Variants in CAPN8 observed in about 807,000 individuals in gnomAD.
CAPN8 encodes calpain-8.
A neutral mutation model predicts 80.9 loss-of-function variants in CAPN8; 87 were observed. The ratio of observed to expected loss-of-function variants is 1.07; its 90% CI spans 0.90 to 1.28. The LOEUF is 1.28. Ranked by LOEUF, CAPN8 falls within the 50% of genes most tolerant of loss-of-function variation. CAPN8 has a pLI of 0.00. For missense variants in CAPN8, 757 were observed against 702.0 expected (o/e 1.08, Z -0.89); for synonymous variants, 299 against 273.8 (o/e 1.09, Z -0.91).
intron 2 of CAPN8, among the ~76,000 whole-genome samples, chr1:223,646,713 A>C (rs1571733312): frequency 1.3e-5 from 2 of 152,206 alleles, no homozygotes; most frequent in South Asian, 4.1e-4. Context: ...AGAGAGCTGA[A>C]GAAGCCCAAG....
intron 1 of CAPN8, among the ~76,000 whole-genome samples, chr1:223,658,800 T>A (rs1348279313): frequency 6.6e-6 from 1 of 152,094 alleles, no homozygotes; most frequent in African/African-American, 2.4e-5. Flanking sequence ...AGTGAAATTC[T>A]GTCTCAAAAA....
chr1:223,620,024 G>A (rs1413429601), intron 8 of CAPN8, among the ~76,000 whole-genome samples, 168 bp downstream of exon 8: 4 of 152,168 alleles, frequency 2.6e-5, no homozygotes, highest in African/African-American at 9.7e-5. Context: ...TGCTTTAGAC[G>A]TGCTGGTATA....
At chr1:223,653,798 A>G (rs1345494438) in intron 2 of CAPN8, among the ~76,000 whole-genome samples, 2 of 152,236 alleles carry the variant, frequency 1.3e-5, no homozygotes, top group African/African-American at 4.8e-5. Flanking sequence ...ATTATTTCTT[A>G]AAAACTCAAC....
intron 2 of CAPN8, among the ~76,000 whole-genome samples, chr1:223,643,342 A>G (rs557800173): frequency 4.6e-5 from 7 of 152,206 alleles, no homozygotes; most frequent in Non-Finnish European, 7.3e-5. Context: ...ATATACATAG[A>G]TCTTTAAAGT....
chr1:223,626,039 C>T (rs917344368), intron 5 of CAPN8, among the ~76,000 whole-genome samples, 151 bp from the exon 6 acceptor site: 1 of 152,156 alleles, frequency 6.6e-6, no homozygotes, highest in African/African-American at 2.4e-5. Context: ...GGTAAAGAGT[C>T]ATCTCCATCC....
chr1:223,635,398 A>G (rs1237116299), intron 2 of CAPN8, among the ~76,000 whole-genome samples: 1 of 152,154 alleles, frequency 6.6e-6, no homozygotes, highest in Non-Finnish European at 1.5e-5. Flanking sequence ...GAGCAGGGCT[A>G]ATTCATAGTC....
chr1:223,625,860 A>G lies in CAPN8; in HGVS notation c.758T>C (p.Ile253Thr), dbSNP rs1572240736. ...ACTCTTAACCAGCTTCTGGCTGGTG[A>G]TGGCTTCGGCTTCGGCTGCACTGGA... ...DVSSAAEAEAITSQKLVKSHA... is the reference protein window; with the variant it reads ...DVSSAAEAEATTSQKLVKSHA... The change falls in exon 6 of 21, where the codon ATC becomes ACC. Residue 253 changes from isoleucine to threonine, a missense_variant. Coordinates refer to ENST00000366872, the MANE Select transcript of CAPN8 (RefSeq NM_001143962.2). The G allele has an allele frequency of 1.3e-6, 2 of 1,551,572 alleles. No individual in the cohort carries two copies. Among genetic ancestry groups the G allele is most frequent in the Non-Finnish European group, 1.7e-6 (2 of 1,146,854 alleles).
chr1:223,615,874 T>G, intron 10 of CAPN8, 96 bp downstream of exon 10: 1 of 1,450,790 alleles, frequency 6.9e-7, no homozygotes, highest in Non-Finnish European at 9.4e-7. Flanking sequence ...TTAGGAATAC[T>G]CCAGCAATAG....
intron 5 of CAPN8, among the ~76,000 whole-genome samples, chr1:223,626,687 A>G (rs1657589899): frequency 6.6e-6 from 1 of 152,218 alleles, no homozygotes; most frequent in Non-Finnish European, 1.5e-5. Context: ...TGGGGGGCCT[A>G]GGATCCAGGG....
At chr1:223,551,096 C>G (rs1301943787) in intron 14 of CAPN8, 79 bp from the exon 15 acceptor site, 1 of 694,754 alleles carries the variant, frequency 1.4e-6, no homozygotes, top group Admixed American at 2.2e-5. Flanking sequence ...GCAGTGCTTC[C>G]TCACAGTCAG....
At chr1:223,555,946 G>A (rs990580346) in intron 13 of CAPN8, among the ~76,000 whole-genome samples, 2,422 of 152,306 alleles carry the variant, frequency 0.016, 47 homozygotes, top group Admixed American at 0.048. Flanking sequence ...CTCAAGGAAC[G>A]TACTATAGTG....
At chr1:223,625,082 G>A (rs1466132092) in intron 6 of CAPN8, among the ~76,000 whole-genome samples, 1 of 152,086 alleles carries the variant, frequency 6.6e-6, no homozygotes, top group Admixed American at 6.5e-5. Context: ...GACAGAGCGA[G>A]ACTCCGTCTC....
intron 19 of CAPN8, among the ~76,000 whole-genome samples, chr1:223,543,690 A>G (rs1283274608): frequency 6.6e-6 from 1 of 152,206 alleles, no homozygotes; most frequent in Non-Finnish European, 1.5e-5. Context: ...GGAAGGTGGC[A>G]CATGTTCTCA....
chr1:223,656,008 G>T (rs1260755927), intron 1 of CAPN8, among the ~76,000 whole-genome samples: 1 of 152,184 alleles, frequency 6.6e-6, no homozygotes, highest in East Asian at 1.9e-4. Context: ...GGTGGGCTGA[G>T]GGCAGATGCA....
intron 2 of CAPN8, among the ~76,000 whole-genome samples, chr1:223,630,077 C>T (rs570184311): frequency 2.3e-4 from 35 of 152,100 alleles, no homozygotes; most frequent in Non-Finnish European, 5.1e-4. Flanking sequence ...AAACCTGTTG[C>T]CTGAGCAAGC....
At chr1:223,631,601 TA>T (rs1345830676) in intron 2 of CAPN8, among the ~76,000 whole-genome samples, 1 of 152,170 alleles carries the variant, frequency 6.6e-6, no homozygotes, top group East Asian at 1.9e-4. Flanking sequence ...GTTTGATGAA[TA>T]AAAACAAATA....
intron 1 of CAPN8, 90 bp from the exon 2 acceptor site, chr1:223,654,489 G>A (rs1480654529): frequency 2.6e-6 from 3 of 1,173,760 alleles, no homozygotes; most frequent in Non-Finnish European, 3.7e-6. Flanking sequence ...CCAGGTTGCA[G>A]AGCTGGAAGA....
At chr1:223,552,396 T>G (rs1185279880) in intron 14 of CAPN8, among the ~76,000 whole-genome samples, 1 of 151,922 alleles carries the variant, frequency 6.6e-6, no homozygotes, top group East Asian at 1.9e-4. Context: ...AAACCCTGTC[T>G]CTACTAAAAA....
chr1:223,555,877 T>C (rs1231525954), intron 13 of CAPN8, among the ~76,000 whole-genome samples: 1 of 152,242 alleles, frequency 6.6e-6, no homozygotes, highest in Non-Finnish European at 1.5e-5. Context: ...CTGGCCCATG[T>C]TGGGAACTGT....
Sources: gnomAD v4.1 joint callset for allele counts (sites outside exome capture counted in the v4.1 genomes callset) on GRCh38, gnomAD v4.1.1 for gene constraint, MANE v1.5 for transcripts, NCBI Gene and HGNC (gene_info 2026-07-23, HGNC 2026-07-21) for gene names.